TMEM131L: variants seen among roughly 807,000 people sequenced by gnomAD.
The protein encoded by TMEM131L is transmembrane 131 like.
A neutral mutation model predicts 192.2 loss-of-function variants in TMEM131L; 54 were observed. That is an observed-to-expected ratio of 0.28 (90% CI 0.23 to 0.35). TMEM131L has a LOEUF of 0.35. Among genes scored for constraint, TMEM131L ranks in the 10% least tolerant of loss-of-function variants. The pLI, the probability that TMEM131L is intolerant of heterozygous loss-of-function variation, is 1.00. For synonymous variants in TMEM131L, 701 were observed against 704.9 expected (o/e 0.99, Z 0.09); for missense variants, 1,888 against 1,972.9 (o/e 0.96, Z 0.82).
chr4:153,603,766 T>C, intron 24 of TMEM131L, 36 bp from the exon 25 acceptor site: 1 of 1,540,916 alleles, frequency 6.5e-7, no homozygotes, highest in Non-Finnish European at 8.7e-7. Context: ...TGATTTGATT[T>C]GCCTCTATGC....
intron 3 of TMEM131L, among the ~76,000 whole-genome samples, chr4:153,504,673 A>AT (rs546361099): frequency 8.3e-4 from 127 of 152,182 alleles, no homozygotes; most frequent in African/African-American, 2.9e-3. Context: ...ATAAATAATG[A>AT]TTTTTTTCAC....
At chr4:153,552,950 T>G (rs1234431389) in intron 4 of TMEM131L, among the ~76,000 whole-genome samples, 2 of 151,950 alleles carry the variant, frequency 1.3e-5, no homozygotes, top group African/African-American at 4.8e-5. Context: ...TTTGTGTTTT[T>G]TTTTTTCCCT....
intron 3 of TMEM131L, among the ~76,000 whole-genome samples, chr4:153,513,251 T>C (rs1277047352): frequency 6.6e-6 from 1 of 152,240 alleles, no homozygotes; most frequent in East Asian, 1.9e-4. Context: ...AGCACATTTA[T>C]TAATATATAC....
chr4:153,501,296 C>T (rs1369034418), intron 3 of TMEM131L, among the ~76,000 whole-genome samples: 2 of 150,834 alleles, frequency 1.3e-5, no homozygotes, highest in Non-Finnish European at 2.9e-5. Flanking sequence ...ACCTCTGCCT[C>T]GGGTTCAAGC....
chr4:153,577,802 T>C (rs956765472), intron 7 of TMEM131L, among the ~76,000 whole-genome samples: 2 of 152,040 alleles, frequency 1.3e-5, no homozygotes, highest in Non-Finnish European at 2.9e-5. Flanking sequence ...GGATAAATAA[T>C]GATAGGGTTG....
Position 153,479,969 on chromosome 4 carries a change from G to T in TMEM131L, c.239+6081G>T, listed in dbSNP as rs1220094128. Among the ~76,000 whole-genome samples, 3 of 152,250 alleles carry T rather than the reference G, an allele frequency of 2.0e-5. 1 individual carries two copies. Among genetic ancestry groups the T allele is most frequent in the African/African-American group, 7.2e-5 (3 of 41,466 alleles). On this transcript the variant is annotated intron_variant, in intron 3 of 34. Transcript: ENST00000409959. The stretch of plus-strand genomic sequence containing the variant: ...CTCATGCCTGTAATCCCAGGACTGT[G>T]GGAGGCCAAGGCGGGCGGATCACCT...
Position 153,627,393 on chromosome 4 carries a change from G to T in TMEM131L, c.4125-212G>T, listed in dbSNP as rs17030261. Among the ~76,000 whole-genome samples, 4,117 of 152,234 alleles carry T rather than the reference G, an allele frequency of 0.027. 144 individuals are homozygous for T. Among genetic ancestry groups the T allele is most frequent in the Middle Eastern group, 0.075 (22 of 294 alleles). On this transcript the variant is annotated intron_variant, in intron 30 of 34. Coordinates refer to ENST00000409959, the MANE Select transcript of TMEM131L (RefSeq NM_001131007.2). The stretch of plus-strand genomic sequence containing the variant: ...GTTAATTTTTTTTGTTGTTGGTTAT[G>T]ACAAGACTTTGCTAGATTTGGGAAT...
chr4:153,471,638 A>G (rs1580002753), intron 2 of TMEM131L, among the ~76,000 whole-genome samples: 2 of 152,250 alleles, frequency 1.3e-5, no homozygotes, highest in African/African-American at 2.4e-5. Flanking sequence ...CTTTGAGAAG[A>G]GAAGGCTCAC....
chr4:153,466,376 G>T lies in TMEM131L; in HGVS notation c.-22G>T, dbSNP rs191995605. 3.9e-6 allele frequency: 5 copies of T among 1,280,036 alleles called. No individual in the cohort carries two copies. Among genetic ancestry groups the T allele is most frequent in the South Asian group, 2.3e-5 (1 of 42,586 alleles). The allele number at this position is 1,280,036 out of a possible 1,614,324, so 79.3% of individuals were successfully genotyped here. On this transcript the variant is annotated 5_prime_UTR_variant, in exon 1 of 35. Transcript: ENST00000409959. ...GCTAGCGGCGAGCGCGGCGAGCAAC[G>T]GAGAGGAGCGCGAGCAGCAGCATGG...
At chr4:153,500,953 T>C (rs936957070) in intron 3 of TMEM131L, among the ~76,000 whole-genome samples, 5 of 151,982 alleles carry the variant, frequency 3.3e-5, no homozygotes, top group African/African-American at 1.2e-4. Context: ...AAACCTATAG[T>C]GAAGAAATGC....
intron 27 of TMEM131L, among the ~76,000 whole-genome samples, chr4:153,621,232 G>A (rs1400734643): frequency 6.6e-6 from 1 of 152,040 alleles, no homozygotes; most frequent in Admixed American, 6.5e-5. Context: ...AAAACCACGG[G>A]GCACAGGCAG....
intron 33 of TMEM131L, 112 bp from the exon 34 acceptor site, chr4:153,635,320 T>G: frequency 1.1e-6 from 1 of 948,066 alleles, no homozygotes; most frequent in Non-Finnish European, 1.6e-6. Flanking sequence ...CAAGTATTTA[T>G]GTCTGTAACT....
intron 3 of TMEM131L, among the ~76,000 whole-genome samples, chr4:153,491,509 G>A (rs1175430221): frequency 6.6e-6 from 1 of 151,948 alleles, no homozygotes; most frequent in Non-Finnish European, 1.5e-5. Context: ...CATTCATATG[G>A]TAAGACTTAA....
intron 13 of TMEM131L, 112 bp downstream of exon 13, chr4:153,585,723 G>T: frequency 1.6e-6 from 1 of 620,050 alleles, no homozygotes. Context: ...ATGCTATGAA[G>T]TTATTATTTA....
At chr4:153,598,516 A>G (rs1323993016) in intron 20 of TMEM131L, 74 bp from the exon 21 acceptor site, 5 of 1,213,460 alleles carry the variant, frequency 4.1e-6, no homozygotes, top group Non-Finnish European at 3.5e-6. Flanking sequence ...ATAACTGGGA[A>G]TATTTAAATT....
Position 153,620,762 on chromosome 4 carries a change from G to A in TMEM131L, c.3574G>A (p.Asp1192Asn), listed in dbSNP as rs1221158465. The A allele has an allele frequency of 6.6e-7, 1 of 1,513,912 alleles. No homozygotes were observed. The highest frequency in any genetic ancestry group is 9.0e-7 in the Non-Finnish European group (1 of 1,111,028). The allele number at this position is 1,513,912 out of a possible 1,614,324, so 93.8% of individuals were successfully genotyped here. The change falls in exon 27 of 35, where the codon GAT (aspartate) becomes AAT (asparagine). Residue 1192 changes from aspartate to asparagine, a missense_variant. Physicochemically the swap from Asp to Asn is conservative, Grantham distance 23. Transcript: ENST00000409959. ...KQDIPFVEQE[D>N]PYRKKKLQEK... ...TTTACTTTCTCTTCTTTAGCAAGAA[G>A]ATCCTTATAGGAAGAAAAAGCTTCA...
At chr4:153,545,075 T>G (rs1305149814) in intron 3 of TMEM131L, among the ~76,000 whole-genome samples, 1 of 152,218 alleles carries the variant, frequency 6.6e-6, no homozygotes, top group Non-Finnish European at 1.5e-5. Flanking sequence ...AAAGTGTGTC[T>G]GATATCAGCA....
chr4:153,473,628 C>T (rs1731311968), intron 2 of TMEM131L, among the ~76,000 whole-genome samples: 1 of 152,088 alleles, frequency 6.6e-6, no homozygotes, highest in African/African-American at 2.4e-5. Flanking sequence ...CCTGTTTCTA[C>T]TAAAAATACA....
chr4:153,552,833 CA>C (rs1737725925), intron 4 of TMEM131L, among the ~76,000 whole-genome samples: 1 of 149,528 alleles, frequency 6.7e-6, no homozygotes, highest in Non-Finnish European at 1.5e-5. Flanking sequence ...GACCTTGTCT[CA>C]AAAAAACAAA....
Sources: gnomAD v4.1 joint callset for allele counts (sites outside exome capture counted in the v4.1 genomes callset) on GRCh38, gnomAD v4.1.1 for gene constraint, MANE v1.5 for transcripts, NCBI Gene and HGNC (gene_info 2026-07-23, HGNC 2026-07-21) for gene names.